The following EEA1 variants were observed in gnomAD, a reference collection of about 807,000 sequenced individuals.
The protein encoded by EEA1 is early endosome antigen 1.
EEA1 carries 111 observed loss-of-function variants against 209.2 expected under a neutral mutation model. That is an observed-to-expected ratio of 0.53 (90% confidence interval 0.45 to 0.62). The LOEUF (loss-of-function observed/expected upper bound fraction) is 0.62, where lower values mean the gene tolerates loss of function less well. Ranked by LOEUF, EEA1 falls within the 20% of genes least tolerant of loss-of-function variation. The pLI, the probability that EEA1 is intolerant of heterozygous loss-of-function variation, is 0.00. For synonymous variants in EEA1, 536 were observed against 540.6 expected, an observed-to-expected ratio of 0.99 and a Z score of 0.12; for missense variants, 1,343 against 1,530.8, an observed-to-expected ratio of 0.88 and a Z score of 2.05.
At chr12:92,882,105 G>T (rs2136744023) in intron 2 of EEA1, among the ~76,000 whole-genome samples, 1 of 151,814 alleles carries the variant, frequency 6.6e-6, no homozygotes, top group South Asian at 2.1e-4. Context: ...CTAGTCATAT[G>T]ATTTTTCTTT....
intron 2 of EEA1, among the ~76,000 whole-genome samples, chr12:92,888,575 T>TA (rs1267296493): frequency 3.1e-5 from 4 of 130,810 alleles, no homozygotes; most frequent in African/African-American, 5.6e-5. Context: ...AGACTCCATC[T>TA]AAAAAAACAA....
At chr12:92,812,245 C>T (rs921599791) in intron 16 of EEA1, among the ~76,000 whole-genome samples, 1 of 151,968 alleles carries the variant, frequency 6.6e-6, no homozygotes, top group African/African-American at 2.4e-5. Context: ...AGGAGAATTG[C>T]TTGAACCCGG....
At chr12:92,805,164 T>C (rs991452230) in intron 18 of EEA1, among the ~76,000 whole-genome samples, 1 of 152,134 alleles carries the variant, frequency 6.6e-6, no homozygotes, top group Non-Finnish European at 1.5e-5. Flanking sequence ...GATGCCTGCA[T>C]TCTAGAGATA....
At chr12:92,828,109 C>G in intron 11 of EEA1, 48 bp from the exon 12 acceptor site, 2 of 1,329,652 alleles carry the variant, frequency 1.5e-6, no homozygotes, top group Non-Finnish European at 9.9e-7. Context: ...CAAACACACA[C>G]ACAGCACCAC....
At chr12:92,802,108 G>A (rs1438846273) in intron 19 of EEA1, among the ~76,000 whole-genome samples, 3 of 152,006 alleles carry the variant, frequency 2.0e-5, no homozygotes, top group Non-Finnish European at 2.9e-5. Flanking sequence ...AAAGTGTACA[G>A]ATAGAAAATG....
intron 1 of EEA1, among the ~76,000 whole-genome samples, chr12:92,927,287 G>A (rs1160103165): frequency 2.0e-5 from 3 of 152,138 alleles, no homozygotes; most frequent in African/African-American, 7.2e-5. Flanking sequence ...CTCCCACAAC[G>A]CAGAATTATC....
chr12:92,851,524 C>T (rs914102638), intron 8 of EEA1, among the ~76,000 whole-genome samples: 3 of 151,972 alleles, frequency 2.0e-5, no homozygotes, highest in East Asian at 1.9e-4. Flanking sequence ...ATTTGTTTTC[C>T]TTCCCTTCAC....
intron 2 of EEA1, among the ~76,000 whole-genome samples, chr12:92,868,901 C>T (rs911740240): frequency 1.1e-4 from 17 of 152,104 alleles, no homozygotes; most frequent in Admixed American, 9.8e-4. Context: ...TTCTTATATC[C>T]ACATTTTATA....
chr12:92,802,421 CT>C lies in EEA1; in HGVS notation c.2652del (p.Ala885ProfsTer4). 3 of 1,574,458 alleles carry C rather than the reference CT, an allele frequency of 1.9e-6. No homozygotes were observed. The highest frequency in any genetic ancestry group is 2.3e-5 in the East Asian group (1 of 44,106). ...CTACTAACCAAGTCTAATATAGCGG[CT>C]TTTCCTTTCTGATTCTCCTTTTCAA... ...SEFEKENQKGKAAILDLEKTC... is the reference protein window; with the variant it reads ...SEFEKENQKGXAAILDLEKTC... On this transcript the variant is annotated frameshift_variant, in exon 19 of 29. Transcript: ENST00000322349. LOFTEE classifies it high-confidence loss of function.
chr12:92,891,293 C>T (rs2136754595), intron 2 of EEA1, among the ~76,000 whole-genome samples: 1 of 152,008 alleles, frequency 6.6e-6, no homozygotes, highest in South Asian at 2.1e-4. Context: ...CCAATTTTTC[C>T]TTAGTCCAAT....
Position 92,782,971 on chromosome 12 carries a change from A to G in EEA1, c.3151-836T>C, listed in dbSNP as rs567838938. On this transcript the variant is annotated intron_variant, in intron 22 of 28. Transcript: ENST00000322349. ...GGTGGCATGCCCGGGGAGGGCACGG[A>G]AGCTCTGTGCCCCTTCCCCCATATC... Among the ~76,000 whole-genome samples the G allele has an allele frequency of 1.9e-3, 292 of 152,340 alleles. 4 individuals carry two copies. In the South Asian group the frequency reaches 0.034, roughly 18 times the overall value.
At chr12:92,809,202 A>C (rs775480243) in intron 17 of EEA1, 46 bp from the exon 18 acceptor site, 3 of 1,420,114 alleles carry the variant, frequency 2.1e-6, no homozygotes, top group Non-Finnish European at 2.8e-6. Flanking sequence ...ATTAGTAATT[A>C]TCAATCTATT....
chr12:92,850,614 C>T (rs955495481), intron 9 of EEA1, among the ~76,000 whole-genome samples: 3 of 138,506 alleles, frequency 2.2e-5, no homozygotes, highest in South Asian at 2.3e-4. Flanking sequence ...CACTTGAACC[C>T]GGGAGGTGGA....
At chr12:92,865,434 CCA>C (rs1423208400) in intron 2 of EEA1, among the ~76,000 whole-genome samples, 1 of 151,166 alleles carries the variant, frequency 6.6e-6, no homozygotes, top group Non-Finnish European at 1.5e-5. Context: ...TTCATAATCA[CCA>C]CAGAGTTTGG....
chr12:92,842,475 T>C lies in EEA1; in HGVS notation c.905A>G (p.Gln302Arg). 1 of 1,548,410 alleles carries C rather than the reference T, an allele frequency of 6.5e-7. No individual in the cohort carries two copies. Among genetic ancestry groups the C allele is most frequent in the Non-Finnish European group, 8.9e-7 (1 of 1,125,746 alleles). ...KLKSSVNELTQKNQTLTENLL... is the reference protein window; with the variant it reads ...KLKSSVNELTRKNQTLTENLL... ...CTTTAAAATTCTCACCTGATTTTTT[T>C]GTGTTAATTCATTAACTGAACTTTT... The change falls in exon 10 of 29, where the codon CAA becomes CGA. Residue 302 changes from glutamine (Q) to arginine (R), a missense_variant. By Grantham distance (43) the Gln-to-Arg change is conservative. Transcript: ENST00000322349.
Position 92,819,490 on chromosome 12 carries a change from G to T in EEA1, c.1546C>A (p.Arg516Ser). 6.2e-7 allele frequency: 1 copy of T among 1,602,834 alleles called. No individual in the cohort carries two copies. The highest frequency in any genetic ancestry group is 8.5e-7 in the Non-Finnish European group (1 of 1,175,462). Residue 516 changes from arginine to serine, a missense_variant, in exon 14 of 29, where the codon CGT becomes AGT. Arg to Ser is a moderately radical substitution (Grantham distance 110). This residue lies in a region of EEA1 where 1,307 missense variants were observed against 1,465.5 expected (regional missense o/e 0.89). Coordinates refer to ENST00000322349, the MANE Select transcript of EEA1 (RefSeq NM_003566.4). Reference protein sequence around the residue: ...EAQNDLEQVLRQIGDKDQKIQ... With the variant: ...EAQNDLEQVLSQIGDKDQKIQ... ...TTTTGGTCCTTATCGCCAATTTGACGTAGAACTTGTTCCAAATCATTCTGT... is the reference window on the plus strand; with the variant it reads ...TTTTGGTCCTTATCGCCAATTTGACTTAGAACTTGTTCCAAATCATTCTGT...
At chr12:92,847,581 A>G (rs1435400465) in intron 9 of EEA1, among the ~76,000 whole-genome samples, 1 of 152,244 alleles carries the variant, frequency 6.6e-6, no homozygotes, top group African/African-American at 2.4e-5. Context: ...CAAATATTAC[A>G]ACACACAATA....
chr12:92,913,827 A>G (rs952273192), intron 1 of EEA1, among the ~76,000 whole-genome samples: 2 of 152,150 alleles, frequency 1.3e-5, no homozygotes, highest in South Asian at 4.2e-4. Flanking sequence ...CATCTGACTA[A>G]TTTTTGTCTT....
At chr12:92,853,999 G>GTTA in intron 5 of EEA1, 45 bp from the exon 6 acceptor site, 1 of 1,389,976 alleles carries the variant, frequency 7.2e-7, no homozygotes, top group Non-Finnish European at 9.8e-7. Context: ...AAAAGGAAAA[G>GTTA]ATAATACTGT....
Sources: gnomAD v4.1 joint callset for allele counts (sites outside exome capture counted in the v4.1 genomes callset) on GRCh38, gnomAD v4.1.1 for gene constraint, gnomAD v4.1.1 regional missense constraint, MANE v1.5 for transcripts, NCBI Gene and HGNC (gene_info 2026-07-23, HGNC 2026-07-21) for gene names.